Variants in FGF13 observed in about 807,000 individuals in gnomAD.
FGF13 encodes fibroblast growth factor 13, also known as fibroblast growth factor homologous factor 2.
In FGF13, 2 loss-of-function variants were observed where a neutral mutation model predicts 19.5. The observed-to-expected ratio is 0.10, with a 90% CI of 0.04 to 0.32. The LOEUF (loss-of-function observed/expected upper bound fraction) is 0.32. Among genes scored for constraint, FGF13 ranks in the 10% least tolerant of loss-of-function variants. The pLI is 1.00. For synonymous variants in FGF13, 72 were observed against 76.9 expected (o/e 0.94, Z 0.33); for missense variants, 113 against 192.7 (o/e 0.59, Z 2.45).
intron 3 of FGF13, among the ~76,000 whole-genome samples, chrX:138,840,667 A>G (rs2091144590): frequency 9.0e-6 from 1 of 111,682 alleles, no homozygotes; most frequent in Non-Finnish European, 1.9e-5. Flanking sequence ...GATGAATGCC[A>G]GGGAAGCCCC....
intron 2 of FGF13, chrX:138,857,784 C>A: frequency 1.4e-6 from 1 of 696,941 alleles, no homozygotes; most frequent in South Asian, 4.6e-5. Flanking sequence ...AACAACAGCC[C>A]TAAGAAAAGT....
intron 1 of FGF13, among the ~76,000 whole-genome samples, chrX:138,894,931 G>A (rs1336996138): frequency 1.8e-5 from 2 of 111,802 alleles, no homozygotes; most frequent in Non-Finnish European, 3.8e-5. Flanking sequence ...CTGGCAAACC[G>A]AATCCAGCAG....
At chrX:138,701,687 C>T (rs1348433335) in intron 3 of FGF13, among the ~76,000 whole-genome samples, 3 of 112,144 alleles carry the variant, frequency 2.7e-5, no homozygotes, top group Admixed American at 9.4e-5. Flanking sequence ...CCCTCTGGGG[C>T]CTTACTCTAT....
chrX:138,739,543 C>A (rs1227304718), upstream of FGF13, among the ~76,000 whole-genome samples: 1 of 111,482 alleles, frequency 9.0e-6, no homozygotes, highest in Non-Finnish European at 1.9e-5. Context: ...ATAAGCTTTG[C>A]CTATACTATT....
At chrX:138,959,009 G>A (rs2091856052) in intron 1 of FGF13, among the ~76,000 whole-genome samples, 2 of 111,716 alleles carry the variant, frequency 1.8e-5, no homozygotes, top group South Asian at 3.7e-4. Context: ...GGATTTTTGT[G>A]TCTCTATCTC....
At chrX:139,047,392 GT>G (rs11310884) in intron 1 of FGF13, among the ~76,000 whole-genome samples, 2,618 of 105,509 alleles carry the variant, frequency 0.025, 97 homozygotes, top group African/African-American at 0.085. Context: ...TTATTTTTTG[GT>G]TTTTTTTTTC....
intron 1 of FGF13, among the ~76,000 whole-genome samples, chrX:139,075,380 T>A (rs894228629): frequency 5.4e-5 from 6 of 112,116 alleles, no homozygotes; most frequent in Non-Finnish European, 9.4e-5. Context: ...CAACTGATCT[T>A]TGTCCAGGGA....
intron 1 of FGF13, among the ~76,000 whole-genome samples, chrX:138,933,465 T>TC (rs1318890766): frequency 2.7e-5 from 3 of 110,787 alleles, no homozygotes; most frequent in Non-Finnish European, 5.7e-5. Flanking sequence ...AAAAGTTGTG[T>TC]CCCCCACTCT....
At chrX:139,109,500 T>A (rs1040174340) in intron 1 of FGF13, among the ~76,000 whole-genome samples, 1 of 111,623 alleles carries the variant, frequency 9.0e-6, no homozygotes, top group Non-Finnish European at 1.9e-5. Context: ...TAGATGTCAT[T>A]CTCTTTGAGA....
In FGF13 at chrX:139,007,336, C is replaced by G. The variant is rs761500117; in HGVS notation, c.-112-142686G>C. ...TATATACATATAGAACACTGGACCACCCAGATATATAAAGCAAATATTATC... is the reference window on the plus strand; with the variant it reads ...TATATACATATAGAACACTGGACCAGCCAGATATATAAAGCAAATATTATC... On this transcript the variant is annotated intron_variant, in intron 1 of 2. Transcript: ENST00000421460. 1.7e-4 allele frequency among the ~76,000 whole-genome samples: 19 copies of G among 111,149 alleles called. No individual in the cohort carries two copies. In the South Asian group the frequency reaches 2.7e-3, roughly 16 times the overall value.
chrX:139,079,405 A>G (rs767746576), intron 1 of FGF13, among the ~76,000 whole-genome samples: 18 of 110,655 alleles, frequency 1.6e-4, no homozygotes, highest in Non-Finnish European at 2.6e-4. Context: ...ACAGAAGATA[A>G]AACTAGGTCT....
At chrX:138,655,858 C>T (rs2089431352) in intron 3 of FGF13, among the ~76,000 whole-genome samples, 1 of 111,304 alleles carries the variant, frequency 9.0e-6, no homozygotes, top group Non-Finnish European at 1.9e-5. Context: ...TTATGCTTAC[C>T]CTATGGTTTC....
chrX:138,711,110 G>C lies in FGF13; in HGVS notation c.-107C>G. The C allele has an allele frequency of 8.7e-7, 1 of 1,143,569 alleles. No individual in the cohort carries two copies. The highest frequency in any genetic ancestry group is 3.1e-5 in the East Asian group (1 of 32,398). The allele number at this position is 1,143,569 out of a possible 1,213,427, so 94.2% of individuals were successfully genotyped here. On this transcript the variant is annotated 5_prime_UTR_variant, in exon 1 of 5. Transcript: ENST00000315930. The stretch of plus-strand genomic sequence containing the variant: ...CGCTGTCTCGCGACTTCGCCGCTTT[G>C]GTCTCCTTAGCCTGCGTTTGCCCGG...
chrX:138,700,324 T>C (rs1453060686), intron 3 of FGF13, among the ~76,000 whole-genome samples: 1 of 111,794 alleles, frequency 8.9e-6, no homozygotes, highest in Non-Finnish European at 1.9e-5. Flanking sequence ...CTGTCTTCTC[T>C]TTGCTAAGAG....
downstream of FGF13, among the ~76,000 whole-genome samples, chrX:138,855,473 G>A (rs2091251799): frequency 1.8e-5 from 2 of 111,705 alleles, no homozygotes; most frequent in African/African-American, 6.5e-5. Context: ...TAAGAATAAA[G>A]ACAGAAATAT....
intron 1 of FGF13, among the ~76,000 whole-genome samples, chrX:139,093,457 A>G (rs2083451185): frequency 8.9e-6 from 1 of 112,420 alleles, no homozygotes; most frequent in Non-Finnish European, 1.9e-5. Context: ...AGCAAGCGAC[A>G]GATGGAACTG....
At chrX:138,783,008 C>A (rs1224109114) in intron 3 of FGF13, among the ~76,000 whole-genome samples, 3 of 80,559 alleles carry the variant, frequency 3.7e-5, no homozygotes, top group African/African-American at 9.8e-5. Context: ...GAAATAACGC[C>A]GCATATCTAC....
intron 1 of FGF13, among the ~76,000 whole-genome samples, chrX:139,085,126 G>T (rs1165907944): frequency 8.9e-6 from 1 of 111,873 alleles, no homozygotes; most frequent in East Asian, 2.8e-4. Flanking sequence ...ACACCATGTT[G>T]CTTCCTTACT....
intron 3 of FGF13, among the ~76,000 whole-genome samples, chrX:138,795,268 C>A (rs1454661527): frequency 8.9e-6 from 1 of 112,206 alleles, no homozygotes; most frequent in Admixed American, 9.5e-5. Context: ...TTAACCAGGT[C>A]AGTTCTACTA....
Sources: allele counts gnomAD v4.1 joint callset (sites outside exome capture counted in the v4.1 genomes callset), GRCh38; gene constraint gnomAD v4.1.1; transcripts MANE v1.5; gene names NCBI Gene and HGNC (gene_info 2026-07-23, HGNC 2026-07-21).